Variants in TET3 observed in about 807,000 individuals in gnomAD.
TET3 encodes the protein methylcytosine dioxygenase TET3.
TET3 carries 19 observed loss-of-function variants against 141.4 expected under a neutral mutation model. The ratio of observed to expected loss-of-function variants is 0.13; its 90% CI spans 0.09 to 0.20. The LOEUF (loss-of-function observed/expected upper bound fraction) is 0.20, where lower values mean the gene tolerates loss of function less well. TET3 is among the 10% of genes least tolerant of loss of function. The probability of loss-of-function intolerance (pLI) is 1.00; values close to 1 mark genes in which losing one functional copy is unlikely to be tolerated. For synonymous variants in TET3, 1,043 were observed against 980.9 expected (o/e 1.06, Z -1.18); for missense variants, 1,874 against 2,356.9 (o/e 0.80, Z 4.24).
the TET3 span, chr2:74,121,498 G>C: frequency 6.6e-6 from 1 of 152,200 alleles, no homozygotes; most frequent in Non-Finnish European, 1.5e-5. Context: ...GGAGACATCT[G>C]AGGACTACAC....
intron 3 of TET3, among the ~76,000 whole-genome samples, chr2:74,044,215 T>TA (rs1303613900): frequency 1.3e-5 from 2 of 152,088 alleles, no homozygotes; most frequent in Non-Finnish European, 2.9e-5. Context: ...AATAAATAAA[T>TA]AAAACACTTT....
chr2:74,118,140 C>G, the TET3 span, among the ~76,000 whole-genome samples: 1 of 152,244 alleles, frequency 6.6e-6, no homozygotes, highest in Non-Finnish European at 1.5e-5. Context: ...GATACTATCA[C>G]CAGTAAATTG....
In TET3 at chr2:74,093,465, A is replaced by G; in HGVS notation, c.3130-64A>G. ...CCTCCTTCCAAGACCTGGCCTCCCCAGGTGCAGAATCGGGGCCACTCACCT... is the reference window on the plus strand; with the variant it reads ...CCTCCTTCCAAGACCTGGCCTCCCCGGGTGCAGAATCGGGGCCACTCACCT... On this transcript the variant is annotated intron_variant, in intron 9 of 11. Coordinates refer to ENST00000409262, the MANE Select transcript of TET3 (RefSeq NM_001287491.2). This position sits in a 1 kb window ranked among gnomAD's most constrained non-coding sequence, Gnocchi z 4.2. The G allele has an allele frequency of 6.7e-7, 1 of 1,495,860 alleles. No homozygotes were observed. The highest frequency in any genetic ancestry group is 9.0e-7 in the Non-Finnish European group (1 of 1,115,032). The allele number at this position is 1,495,860 out of a possible 1,614,324, so 92.7% of individuals were successfully genotyped here.
chr2:74,078,592 CTGT>C (rs1689641528), intron 5 of TET3, among the ~76,000 whole-genome samples: 1 of 151,942 alleles, frequency 6.6e-6, no homozygotes, highest in Admixed American at 6.6e-5. Flanking sequence ...TTTCATTTTT[CTGT>C]TGTTGATGAG....
chr2:74,011,525 C>G (rs1316712182), intron 3 of TET3, among the ~76,000 whole-genome samples: 1 of 152,214 alleles, frequency 6.6e-6, no homozygotes, highest in African/African-American at 2.4e-5. Context: ...GCTCCTGAAA[C>G]TGAGTGGGTT....
At chr2:74,123,585 G>A in the TET3 span, among the ~76,000 whole-genome samples, 1 of 152,212 alleles carries the variant, frequency 6.6e-6, no homozygotes, top group African/African-American at 2.4e-5. Flanking sequence ...CTGGAGTGCA[G>A]TGGCGTGATC....
Position 74,105,008 on chromosome 2 carries a change from A to G in TET3, c.*2832A>G, listed in dbSNP as rs1691420780. On this transcript the variant is annotated 3_prime_UTR_variant, in exon 12 of 12. Coordinates refer to ENST00000409262, the MANE Select transcript of TET3 (RefSeq NM_001287491.2). The stretch of plus-strand genomic sequence containing the variant: ...TCATTAAAATTAGCATGCTTTAGAC[A>G]TATATTTAAAAAGTAACTATGCACA... The G allele has an allele frequency of 2.5e-6, 1 of 397,418 alleles. No individual in the cohort carries two copies. Among genetic ancestry groups the G allele is most frequent in the Non-Finnish European group, 4.4e-6 (1 of 225,866 alleles). The allele number at this position is 397,418 out of a possible 1,614,324, so 24.6% of individuals were successfully genotyped here.
chr2:74,122,448 AATAT>A, the TET3 span: 1 of 138,576 alleles, frequency 7.2e-6, no homozygotes, highest in African/African-American at 2.7e-5. Flanking sequence ...TTGATAGTGA[AATAT>A]ATATATGTGT....
intron 4 of TET3, among the ~76,000 whole-genome samples, chr2:74,055,138 G>A (rs1046693266): frequency 1.3e-5 from 2 of 152,042 alleles, no homozygotes; most frequent in Non-Finnish European, 2.9e-5. Context: ...GGGCTCAAGC[G>A]ATCCACCCAC....
chr2:74,099,561 GAGA>G lies in TET3; in HGVS notation c.3557_3559del (p.Lys1186del), dbSNP rs779929435. On this transcript the variant is annotated inframe_deletion, in exon 11 of 12. Transcript: ENST00000409262. ...TCAGAAGGAGAAGCTGAGCACTCCG[GAGA>G]AGATCAAGCAGGAGGCCCTGGAGCT... The G allele has an allele frequency of 6.2e-7, 1 of 1,607,266 alleles. No individual in the cohort carries two copies. Among genetic ancestry groups the G allele is most frequent in the Non-Finnish European group, 8.5e-7 (1 of 1,176,514 alleles).
At chr2:74,017,157 T>G (rs1239659558) in intron 3 of TET3, among the ~76,000 whole-genome samples, 1 of 152,068 alleles carries the variant, frequency 6.6e-6, no homozygotes, top group Non-Finnish European at 1.5e-5. Context: ...CGCACGACAT[T>G]GTATGCCTGT....
At chr2:74,113,627 TCAG>T in the TET3 span, among the ~76,000 whole-genome samples, 1 of 151,744 alleles carries the variant, frequency 6.6e-6, no homozygotes. Context: ...CATACACAAA[TCAG>T]CAGTTATTTC....
intron 4 of TET3, among the ~76,000 whole-genome samples, chr2:74,063,905 A>T (rs1275660552): frequency 2.0e-5 from 3 of 151,950 alleles, no homozygotes; most frequent in African/African-American, 2.4e-5. Flanking sequence ...AAAAAAAAAA[A>T]AAAATAAGTA....
chr2:74,043,059 T>C (rs1278307934), intron 3 of TET3, among the ~76,000 whole-genome samples: 1 of 152,198 alleles, frequency 6.6e-6, no homozygotes, highest in African/African-American at 2.4e-5. Context: ...CTTGACCATT[T>C]TGGGGAAGCC....
At chr2:73,994,797 C>G (rs1386746808) in intron 2 of TET3, among the ~76,000 whole-genome samples, 4 of 151,694 alleles carry the variant, frequency 2.6e-5, no homozygotes, top group Admixed American at 2.6e-4. Context: ...GTCACCGTGC[C>G]TGGCTTATTT....
chr2:74,038,896 C>T (rs561869473), intron 3 of TET3, among the ~76,000 whole-genome samples: 4 of 152,320 alleles, frequency 2.6e-5, no homozygotes, highest in Non-Finnish European at 5.9e-5. Flanking sequence ...GGAGGACTTT[C>T]TCAGGGAGGG....
At chr2:74,035,911 G>A (rs1687027201) in intron 3 of TET3, among the ~76,000 whole-genome samples, 1 of 151,886 alleles carries the variant, frequency 6.6e-6, no homozygotes, top group Admixed American at 6.6e-5. Context: ...CCAGCTACTT[G>A]GGAGACTGAG....
chr2:74,134,819 C>T, the TET3 span: 1 of 451,986 alleles, frequency 2.2e-6, no homozygotes. Flanking sequence ...TTATAGTACT[C>T]AATCAGCTGC....
chr2:74,113,082 C>T (rs1572922395), downstream of TET3, among the ~76,000 whole-genome samples: 1 of 147,382 alleles, frequency 6.8e-6, no homozygotes, highest in Non-Finnish European at 1.5e-5. Flanking sequence ...AAAGCTTTTC[C>T]TCTGAGAACT....
Sources: gnomAD v4.1 joint callset for allele counts (sites outside exome capture counted in the v4.1 genomes callset) on GRCh38, gnomAD v4.1.1 for gene constraint, Gnocchi (gnomAD v3.1) non-coding constraint, MANE v1.5 for transcripts, NCBI Gene and HGNC (gene_info 2026-07-23, HGNC 2026-07-21) for gene names.